The following FBLN5 variants were observed in gnomAD, a reference collection of about 807,000 sequenced individuals.
FBLN5 encodes fibulin-5.
FBLN5 carries 24 observed loss-of-function variants against 61.6 expected under a neutral mutation model. The ratio of observed to expected loss-of-function variants is 0.39; its 90% CI spans 0.28 to 0.55. The LOEUF (loss-of-function observed/expected upper bound fraction) is 0.55. Among genes scored for constraint, FBLN5 ranks in the 20% least tolerant of loss-of-function variants. The probability of loss-of-function intolerance (pLI) is 0.65; values close to 1 mark genes in which losing one functional copy is unlikely to be tolerated. For missense variants in FBLN5, 470 were observed against 594.1 expected (o/e 0.79, Z 2.17); for synonymous variants, 213 against 219.8 (o/e 0.97, Z 0.27).
chr14:91,910,288 T>C (rs1161612910), intron 4 of FBLN5, among the ~76,000 whole-genome samples: 1 of 152,166 alleles, frequency 6.6e-6, no homozygotes, highest in Admixed American at 6.5e-5. Context: ...AGACAAATAC[T>C]GTATGAGTCC....
intron 2 of FBLN5, 58 bp downstream of exon 2, chr14:91,942,849 C>T (rs1272512152): frequency 2.6e-6 from 3 of 1,134,734 alleles, no homozygotes; most frequent in East Asian, 2.6e-5. Context: ...CAAGGCTGGA[C>T]TCCCTCACCC....
chr14:91,911,589 G>A (rs1284661209), intron 4 of FBLN5, among the ~76,000 whole-genome samples: 4 of 152,182 alleles, frequency 2.6e-5, no homozygotes, highest in East Asian at 1.9e-4. Context: ...GTTCTAGTCC[G>A]GAACCTTCCA....
At chr14:91,910,019 T>C (rs1890853458) in intron 4 of FBLN5, among the ~76,000 whole-genome samples, 1 of 152,258 alleles carries the variant, frequency 6.6e-6, no homozygotes, top group African/African-American at 2.4e-5. Context: ...ATATTACTTC[T>C]GGATATACGT....
At chr14:91,923,535 TCCCTAAC>T (rs2055776547) in intron 4 of FBLN5, among the ~76,000 whole-genome samples, 1 of 152,210 alleles carries the variant, frequency 6.6e-6, no homozygotes, top group South Asian at 2.1e-4. Context: ...CCCATGCTGT[TCCCTAAC>T]CCTGACTGCC....
At chr14:91,941,632 G>T (rs2056106303) in intron 2 of FBLN5, among the ~76,000 whole-genome samples, 2 of 152,310 alleles carry the variant, frequency 1.3e-5, no homozygotes, top group East Asian at 3.9e-4. Flanking sequence ...CCGGGAAGCT[G>T]GGAGGCCAGG....
chr14:91,905,556 G>C (rs1343804869), intron 4 of FBLN5, among the ~76,000 whole-genome samples: 1 of 151,184 alleles, frequency 6.6e-6, no homozygotes, highest in Non-Finnish European at 1.5e-5. Flanking sequence ...CGAGAAACAG[G>C]CCGGTAGGTA....
intron 6 of FBLN5, among the ~76,000 whole-genome samples, chr14:91,890,281 C>T (rs768254510): frequency 2.6e-5 from 4 of 152,308 alleles, no homozygotes; most frequent in Middle Eastern, 3.4e-3. Flanking sequence ...TAAAGGAGAC[C>T]TAATAGCCTC....
chr14:91,946,884 A>G, intron 1 of FBLN5: 1 of 1,476,276 alleles, frequency 6.8e-7, no homozygotes. Context: ...CCGAAATTTA[A>G]AAAATACATA....
At chr14:91,888,919 C>T (rs952170445) in intron 6 of FBLN5, among the ~76,000 whole-genome samples, 2 of 152,210 alleles carry the variant, frequency 1.3e-5, no homozygotes, top group Non-Finnish European at 2.9e-5. Context: ...TTTCTATCCT[C>T]TTCCCAAGTC....
At position 91,881,278 on chromosome 14, in the gene FBLN5, A is replaced by T. The variant is rs771621043; in HGVS notation, c.989+14T>A. The T allele has an allele frequency of 6.2e-7, 1 of 1,613,390 alleles. No homozygotes were observed. The highest frequency in any genetic ancestry group is 8.5e-7 in the Non-Finnish European group (1 of 1,179,662). On this transcript the variant is annotated intron_variant, in intron 9 of 10. Transcript: ENST00000342058. ...CATCAGGTTTCTATTCCCCAGGGGGACGCCGTGACTTACTTATCACTGATC... is the reference window on the plus strand; with the variant it reads ...CATCAGGTTTCTATTCCCCAGGGGGTCGCCGTGACTTACTTATCACTGATC...
chr14:91,905,416 G>A (rs961769616), intron 4 of FBLN5, among the ~76,000 whole-genome samples: 1 of 152,118 alleles, frequency 6.6e-6, no homozygotes, highest in African/African-American at 2.4e-5. Context: ...CTGCTAACAG[G>A]TGAGAACAGG....
In FBLN5 at chr14:91,877,523, G is replaced by T; in HGVS notation, c.1149C>A (p.Ile383=). ...RYPGAYYIFQ[I]KSGNEGREFY... ...ATTCTCTGCCCTCATTCCCAGATTT[G>T]ATCTGGAAAATGTAATAGGCCCCAG... The change falls in exon 10 of 11, where the codon ATC becomes ATA. Residue 383 remains isoleucine, a synonymous_variant. Transcript: ENST00000342058. 1 of 1,614,038 alleles carries T rather than the reference G, an allele frequency of 6.2e-7. No individual in the cohort carries two copies. The highest frequency in any genetic ancestry group is 1.1e-5 in the South Asian group (1 of 91,050).
intron 10 of FBLN5, 50 bp downstream of exon 10, chr14:91,877,437 G>T: frequency 6.9e-7 from 1 of 1,449,806 alleles, no homozygotes; most frequent in African/African-American, 1.4e-5. Flanking sequence ...AGGAGAGACA[G>T]CACAAGGCCA....
At chr14:91,905,145 C>G (rs1890628027) in intron 4 of FBLN5, among the ~76,000 whole-genome samples, 1 of 152,130 alleles carries the variant, frequency 6.6e-6, no homozygotes, top group South Asian at 2.1e-4. Context: ...AGAGCATGAT[C>G]ATGAAATACG....
intron 9 of FBLN5, among the ~76,000 whole-genome samples, chr14:91,880,221 C>A (rs61990135): frequency 6.6e-6 from 1 of 152,142 alleles, no homozygotes; most frequent in Non-Finnish European, 1.5e-5. Flanking sequence ...TCAATATTCA[C>A]GGAGCAGTCC....
At chr14:91,920,544 T>C (rs1331107845) in intron 4 of FBLN5, among the ~76,000 whole-genome samples, 1 of 152,196 alleles carries the variant, frequency 6.6e-6, no homozygotes, top group East Asian at 1.9e-4. Flanking sequence ...GCGCTGCCAA[T>C]GGCCTGCCAG....
At chr14:91,938,669 C>A (rs2056059170) in intron 3 of FBLN5, among the ~76,000 whole-genome samples, 1 of 152,034 alleles carries the variant, frequency 6.6e-6, no homozygotes, top group African/African-American at 2.4e-5. Context: ...ACAGGGGAGG[C>A]CTGAACTGTG....
intron 3 of FBLN5, 113 bp downstream of exon 3, chr14:91,940,452 A>C (rs2056087902): frequency 1.1e-6 from 1 of 900,196 alleles, no homozygotes; most frequent in Non-Finnish European, 1.8e-6. Flanking sequence ...ATTCCATGTC[A>C]CTGTATTCTC....
intron 4 of FBLN5, among the ~76,000 whole-genome samples, chr14:91,913,076 A>T (rs1891026868): frequency 6.6e-6 from 1 of 152,220 alleles, no homozygotes; most frequent in African/African-American, 2.4e-5. Flanking sequence ...CCCTTTTACA[A>T]GTATAATTCA....
Sources: allele counts gnomAD v4.1 joint callset (sites outside exome capture counted in the v4.1 genomes callset), GRCh38; gene constraint gnomAD v4.1.1; transcripts MANE v1.5; gene names NCBI Gene and HGNC (gene_info 2026-07-23, HGNC 2026-07-21).